PIK3CB: variants seen among roughly 807,000 people sequenced by gnomAD.
PIK3CB encodes the protein phosphatidylinositol 4,5-bisphosphate 3-kinase catalytic subunit beta isoform.
Under a neutral mutation model 136.8 loss-of-function variants are expected in PIK3CB, and 39 were observed. The observed-to-expected ratio is 0.29, with a 90% confidence interval of 0.22 to 0.37. The LOEUF (loss-of-function observed/expected upper bound fraction) is 0.37, where lower values mean the gene tolerates loss of function less well. Among genes scored for constraint, PIK3CB ranks in the 10% least tolerant of loss-of-function variants. PIK3CB has a pLI of 1.00. For missense variants in PIK3CB, 868 were observed against 1,275.4 expected, an observed-to-expected ratio of 0.68 and a Z score of 4.87; for synonymous variants, 428 against 436.6, an observed-to-expected ratio of 0.98 and a Z score of 0.25.
chr3:138,830,734 C>T (rs1933989901), intron 1 of PIK3CB, among the ~76,000 whole-genome samples: 1 of 149,490 alleles, frequency 6.7e-6, no homozygotes, highest in Non-Finnish European at 1.5e-5. Context: ...CCTGTCTCTA[C>T]TAAAAACACA....
rs1409942029 is a variant in PIK3CB, at chr3:138,737,902, G to A, written c.622-16C>T. 1 of 1,529,576 alleles carries A rather than the reference G, an allele frequency of 6.5e-7. No individual in the cohort carries two copies. Among genetic ancestry groups the A allele is most frequent in the Non-Finnish European group, 8.9e-7 (1 of 1,126,848 alleles). The allele number at this position is 1,529,576 out of a possible 1,614,324, so 94.8% of individuals were successfully genotyped here. ...TAAACACGTCCTGAAGGGGGAGGGAGATGGGGAAAAAAGCAGTAAATGTTA... is the reference window on the plus strand; with the variant it reads ...TAAACACGTCCTGAAGGGGGAGGGAAATGGGGAAAAAAGCAGTAAATGTTA... On this transcript the variant is annotated splice_polypyrimidine_tract_variant and intron_variant, in intron 5 of 23. Transcript: ENST00000674063.
chr3:138,678,399 AG>A (rs1403688437), intron 19 of PIK3CB, among the ~76,000 whole-genome samples: 1 of 152,186 alleles, frequency 6.6e-6, no homozygotes, highest in Non-Finnish European at 1.5e-5. Context: ...GAATTTAAAA[AG>A]TATTTTATAG....
intron 21 of PIK3CB, among the ~76,000 whole-genome samples, chr3:138,658,142 T>C (rs1463944387): frequency 1.3e-5 from 2 of 152,146 alleles, no homozygotes; most frequent in South Asian, 2.1e-4. Context: ...AATAGTTCTA[T>C]AAAACATAAC....
intron 3 of PIK3CB, 52 bp from the exon 4 acceptor site, chr3:138,756,031 A>G (rs1340347626): frequency 3.1e-6 from 3 of 982,130 alleles, no homozygotes; most frequent in Non-Finnish European, 4.9e-6. Flanking sequence ...GCTCAAGTGT[A>G]CAAAGATATA....
chr3:138,792,106 A>T (rs553382618), intron 2 of PIK3CB, among the ~76,000 whole-genome samples: 5 of 152,184 alleles, frequency 3.3e-5, no homozygotes. Flanking sequence ...GAGGCAGGAG[A>T]ATCGCTTGAA....
intron 2 of PIK3CB, among the ~76,000 whole-genome samples, chr3:138,769,136 C>T (rs996901497): frequency 2.6e-5 from 4 of 152,308 alleles, no homozygotes; most frequent in East Asian, 3.9e-4. Context: ...CCCCAGCTCC[C>T]GCCAGCTCCA....
At chr3:138,781,186 GGAT>G (rs1253129457) in intron 2 of PIK3CB, among the ~76,000 whole-genome samples, 1 of 151,930 alleles carries the variant, frequency 6.6e-6, no homozygotes, top group African/African-American at 2.4e-5. Flanking sequence ...CAGCTACTCA[GGAT>G]GTTGAGGTGA....
At chr3:138,706,051 T>C (rs931482053) in intron 11 of PIK3CB, among the ~76,000 whole-genome samples, 3 of 152,212 alleles carry the variant, frequency 2.0e-5, no homozygotes, top group Admixed American at 6.5e-5. Context: ...GGTGCCTGGC[T>C]CCTAAATTCT....
At chr3:138,816,508 C>A (rs1050701538) in intron 1 of PIK3CB, among the ~76,000 whole-genome samples, 1 of 151,930 alleles carries the variant, frequency 6.6e-6, no homozygotes, top group African/African-American at 2.4e-5. Context: ...GCAGGAGAAT[C>A]ACTTGAACCC....
At chr3:138,717,458 A>G (rs1339111038) in intron 8 of PIK3CB, among the ~76,000 whole-genome samples, 1 of 152,200 alleles carries the variant, frequency 6.6e-6, no homozygotes, top group Non-Finnish European at 1.5e-5. Context: ...ATATACAGAC[A>G]TAACAGCAAA....
intron 5 of PIK3CB, among the ~76,000 whole-genome samples, chr3:138,740,951 T>G (rs1040405560): frequency 3.3e-5 from 5 of 152,196 alleles, no homozygotes; most frequent in African/African-American, 1.2e-4. Context: ...GTTCTCAAGT[T>G]GAACTCTCAT....
chr3:138,810,713 T>C (rs1350560708), intron 1 of PIK3CB, among the ~76,000 whole-genome samples: 1 of 151,276 alleles, frequency 6.6e-6, no homozygotes, highest in Non-Finnish European at 1.5e-5. Context: ...GGTCAGGAGA[T>C]TGAGACCATC....
intron 9 of PIK3CB, among the ~76,000 whole-genome samples, chr3:138,714,126 A>G (rs2044560702): frequency 6.6e-6 from 1 of 152,232 alleles, no homozygotes. Context: ...ATGAAATTTC[A>G]GTTGAAAGAC....
intron 2 of PIK3CB, among the ~76,000 whole-genome samples, chr3:138,768,239 C>T (rs1330086501): frequency 6.6e-6 from 1 of 151,612 alleles, no homozygotes; most frequent in Non-Finnish European, 1.5e-5. Context: ...TAGCTCCTCT[C>T]TGCACCCTGT....
chr3:138,656,167 G>T lies in PIK3CB; in HGVS notation c.3050C>A (p.Ser1017Ter). 6.2e-7 allele frequency: 1 copy of T among 1,614,148 alleles called. No individual in the cohort carries two copies. Among genetic ancestry groups the T allele is most frequent in the Non-Finnish European group, 8.5e-7 (1 of 1,180,000 alleles). Residue 1017 changes from serine (S) to a stop codon, truncating the protein, a stop_gained, in exon 23 of 24, where the codon TCA becomes TAA. Transcript: ENST00000674063. LOFTEE classifies it high-confidence loss of function. ...MLTAGLPELT[S>*]VKDIQYLKDS... ...CTTAAGATACTGTATATCTTTGACT[G>T]ATGTGAGTTCAGGAAGCCCTGCAGT... is the stretch of plus-strand genomic sequence containing the variant.
chr3:138,684,229 A>C (rs925472072), intron 17 of PIK3CB, among the ~76,000 whole-genome samples: 9 of 152,234 alleles, frequency 5.9e-5, no homozygotes, highest in African/African-American at 2.2e-4. Flanking sequence ...TTTGTAGGGA[A>C]TGAGAAAGTG....
intron 21 of PIK3CB, among the ~76,000 whole-genome samples, chr3:138,661,257 G>C (rs778649545): frequency 1.3e-5 from 2 of 152,200 alleles, no homozygotes; most frequent in Non-Finnish European, 2.9e-5. Flanking sequence ...AAGGGGACTT[G>C]AGTGCCTAAC....
intron 19 of PIK3CB, among the ~76,000 whole-genome samples, chr3:138,667,625 A>C (rs1346547380): frequency 6.6e-6 from 1 of 150,974 alleles, no homozygotes; most frequent in Non-Finnish European, 1.5e-5. Context: ...GCAGTGGCGC[A>C]ATCTCGGCTC....
chr3:138,767,000 CTT>C (rs11290867), intron 2 of PIK3CB, among the ~76,000 whole-genome samples: 75,123 of 150,588 alleles, frequency 0.5, 20,973 homozygotes, highest in East Asian at 0.98. Context: ...CAGTATTCCC[CTT>C]TTTTTTTTGA....
Sources: allele counts gnomAD v4.1 joint callset (sites outside exome capture counted in the v4.1 genomes callset), GRCh38; gene constraint gnomAD v4.1.1; transcripts MANE v1.5; gene names NCBI Gene and HGNC (gene_info 2026-07-23, HGNC 2026-07-21).